The following ABHD18 variants were observed in gnomAD, a reference collection of about 807,000 sequenced individuals.
The protein encoded by ABHD18 is abhydrolase domain containing 18.
In ABHD18, 55 loss-of-function variants were observed where a neutral mutation model predicts 65.9. The observed-to-expected ratio is 0.84, with a 90% confidence interval of 0.67 to 1.05. ABHD18 has a LOEUF of 1.05. Among genes scored for constraint, ABHD18 ranks in the 50% least tolerant of loss-of-function variants. The probability of loss-of-function intolerance (pLI) is 0.00; values close to 1 mark genes in which losing one functional copy is unlikely to be tolerated. For missense variants in ABHD18, 533 were observed against 558.5 expected (o/e 0.95, Z 0.46); for synonymous variants, 181 against 180.2 (o/e 1.00, Z -0.04).
intron 1 of ABHD18, among the ~76,000 whole-genome samples, chr4:127,973,163 A>G (rs575641543): frequency 1.7e-4 from 26 of 152,064 alleles, no homozygotes; most frequent in African/African-American, 6.3e-4. Context: ...ACACAGGCAC[A>G]CACCACCACT....
Position 128,028,656 on chromosome 4 carries a change from G to T in ABHD18, c.983G>T (p.Gly328Val). Residue 328 changes from glycine (G) to valine (V), a missense_variant, in exon 11 of 13, where the codon GGA (glycine) becomes GTA (valine). Physicochemically the swap from Gly to Val is moderately radical, Grantham distance 109 (BLOSUM62 -3). Coordinates refer to ENST00000645843, the MANE Select transcript of ABHD18 (RefSeq NM_001358451.3). Reference sequence around the variant, plus strand: ...ACATCTGTCAGTGCGACATCAGAAGGACTCTTATTGCAAGATACCTCTAAG... The same window carrying T: ...ACATCTGTCAGTGCGACATCAGAAGTACTCTTATTGCAAGATACCTCTAAG... ...SKTSVSATSE[G>V]LLLQDTSKMK... The T allele has an allele frequency of 6.2e-7, 1 of 1,613,774 alleles. No homozygotes were observed. Among genetic ancestry groups the T allele is most frequent in the Non-Finnish European group, 8.5e-7 (1 of 1,179,836 alleles).
chr4:128,018,703 G>A (rs975866472), intron 8 of ABHD18, among the ~76,000 whole-genome samples: 5 of 151,902 alleles, frequency 3.3e-5, no homozygotes, highest in Non-Finnish European at 7.4e-5. Flanking sequence ...AGAAAATTAA[G>A]CTCAAAAACT....
intron 7 of ABHD18, among the ~76,000 whole-genome samples, 167 bp downstream of exon 7, chr4:128,011,867 T>G (rs1047915678): frequency 3.3e-5 from 5 of 152,170 alleles, no homozygotes; most frequent in African/African-American, 1.2e-4. Context: ...TAATTTTTAT[T>G]TTTAAGATTT....
intron 7 of ABHD18, 102 bp downstream of exon 7, chr4:128,011,802 A>C: frequency 7.8e-6 from 3 of 382,978 alleles, no homozygotes; most frequent in East Asian, 1.0e-4. Flanking sequence ...TTGAATACCT[A>C]AATATTATGG....
At chr4:128,019,013 CAAA>C (rs370222831) in intron 8 of ABHD18, among the ~76,000 whole-genome samples, 11 of 58,360 alleles carry the variant, frequency 1.9e-4, no homozygotes, top group African/African-American at 5.3e-4. Context: ...GACTACATCT[CAAA>C]AAAAAAAAAA....
rs1330021791 is a variant in ABHD18, at chr4:128,031,065, T to A, written c.1343+393T>A. On this transcript the variant is annotated intron_variant, in intron 12 of 12. Coordinates refer to ENST00000645843, the MANE Select transcript of ABHD18 (RefSeq NM_001358451.3). The stretch of plus-strand genomic sequence containing the variant: ...CATCTGTGGAATAATTTAGCAATGT[T>A]TTTCAGTTAGCAAGTGAATATTGAA... 5.0e-6 allele frequency: 5 copies of A among 995,676 alleles called. No individual in the cohort carries two copies. The South Asian group carries it at 2.3e-4, about 45-fold the overall frequency. 61.7% of individuals were successfully genotyped at this position (995,676 alleles called of 1,614,324 possible).
At chr4:128,011,850 C>T in intron 7 of ABHD18, 150 bp downstream of exon 7, 1 of 476,302 alleles carries the variant, frequency 2.1e-6, no homozygotes, top group Non-Finnish European at 3.6e-6. Flanking sequence ...AGTATGAATA[C>T]TGACTTTAAT....
At chr4:128,035,009 C>A (rs1490551976) in intron 12 of ABHD18, among the ~76,000 whole-genome samples, 6 of 151,922 alleles carry the variant, frequency 3.9e-5, no homozygotes, top group Non-Finnish European at 8.8e-5. Context: ...TGTGAGAAAC[C>A]AAGGCTTTTG....
chr4:128,031,322 C>G (rs968231870), intron 12 of ABHD18: 1 of 163,308 alleles, frequency 6.1e-6, no homozygotes, highest in Non-Finnish European at 1.3e-5. Context: ...AAAAAGTAGC[C>G]GGGCATAGGT....
chr4:127,999,946 A>G (rs1752386238), intron 4 of ABHD18, among the ~76,000 whole-genome samples: 1 of 152,240 alleles, frequency 6.6e-6, no homozygotes, highest in Non-Finnish European at 1.5e-5. Flanking sequence ...TTAACAGTCC[A>G]CGTGGCTGGG....
chr4:128,020,122 T>C lies in ABHD18; in HGVS notation c.652T>C (p.Leu218=), dbSNP rs755403120. Residue 218 remains leucine, a synonymous_variant, in exon 9 of 13, where the codon TTG becomes CTG. Coordinates refer to ENST00000645843, the MANE Select transcript of ABHD18 (RefSeq NM_001358451.3). ...AVSNWPKPMP[L]IPCLSWSTAS... ...ATCCAACTGGCCTAAGCCCATGCCA[T>C]TGATTCCATGCCTGTCTTGGTCCAC... The C allele has an allele frequency of 1.2e-6, 2 of 1,613,782 alleles. No homozygotes were observed. The highest frequency in any genetic ancestry group is 1.7e-5 in the Admixed American group (1 of 60,000).
intron 6 of ABHD18, among the ~76,000 whole-genome samples, chr4:128,011,024 T>C (rs1754440068): frequency 6.6e-6 from 1 of 152,004 alleles, no homozygotes; most frequent in Non-Finnish European, 1.5e-5. Flanking sequence ...TTTTCTATAA[T>C]AAAAATTTTA....
chr4:128,018,950 G>T (rs1169908294), intron 8 of ABHD18, among the ~76,000 whole-genome samples: 1 of 148,822 alleles, frequency 6.7e-6, no homozygotes, highest in Non-Finnish European at 1.5e-5. Context: ...GGAAGCGGAG[G>T]TTGCAGTGAG....
intron 9 of ABHD18, 83 bp from the exon 10 acceptor site, chr4:128,021,054 A>T: frequency 1.5e-6 from 1 of 670,398 alleles, no homozygotes; most frequent in Non-Finnish European, 2.4e-6. Flanking sequence ...AAAAAAAGGT[A>T]GTCTCACACA....
chr4:128,010,769 G>T (rs939136857), intron 6 of ABHD18, among the ~76,000 whole-genome samples: 1 of 151,904 alleles, frequency 6.6e-6, no homozygotes, highest in African/African-American at 2.4e-5. Flanking sequence ...ACAAAAATTA[G>T]CCAGGCGTGG....
chr4:127,998,039 A>C (rs914315363), intron 4 of ABHD18, among the ~76,000 whole-genome samples: 14 of 151,762 alleles, frequency 9.2e-5, no homozygotes, highest in Non-Finnish European at 1.8e-4. Flanking sequence ...ACAGGCATGC[A>C]CCACCACAAC....
chr4:128,035,502 G>A (rs1758788902), intron 12 of ABHD18, among the ~76,000 whole-genome samples: 1 of 152,126 alleles, frequency 6.6e-6, no homozygotes, highest in Admixed American at 6.6e-5. Flanking sequence ...GAACCGGGAG[G>A]CAGAGGTTGC....
At chr4:128,011,880 G>A (rs1754642383) in intron 7 of ABHD18, among the ~76,000 whole-genome samples, 180 bp downstream of exon 7, 1 of 151,400 alleles carries the variant, frequency 6.6e-6, no homozygotes, top group Non-Finnish European at 1.5e-5. Context: ...TAAGATTTTT[G>A]CATTTTAATG....
chr4:127,970,589 C>CAA (rs375709595), intron 1 of ABHD18, among the ~76,000 whole-genome samples: 52 of 54,494 alleles, frequency 9.5e-4, no homozygotes, highest in African/African-American at 2.6e-3. Context: ...AACTCTGTCT[C>CAA]AAAAAAAAAA....
Sources: gnomAD v4.1 joint callset for allele counts (sites outside exome capture counted in the v4.1 genomes callset) on GRCh38, gnomAD v4.1.1 for gene constraint, MANE v1.5 for transcripts, NCBI Gene and HGNC (gene_info 2026-07-23, HGNC 2026-07-21) for gene names.